The following MON2 variants were observed in gnomAD, a reference collection of about 807,000 sequenced individuals.
MON2 encodes protein MON2 homolog.
Under a neutral mutation model 208.6 loss-of-function variants are expected in MON2, and 84 were observed. The observed-to-expected ratio is 0.40, with a 90% CI of 0.34 to 0.48. The LOEUF (loss-of-function observed/expected upper bound fraction) is 0.48, where lower values mean the gene tolerates loss of function less well. Ranked by LOEUF, MON2 falls within the 20% of genes least tolerant of loss-of-function variation. The pLI, the probability that MON2 is intolerant of heterozygous loss-of-function variation, is 0.59. For synonymous variants in MON2, 660 were observed against 694.0 expected, an observed-to-expected ratio of 0.95 and a Z score of 0.77; for missense variants, 1,611 against 2,015.4, an observed-to-expected ratio of 0.80 and a Z score of 3.84.
intron 1 of MON2, among the ~76,000 whole-genome samples, chr12:62,481,374 A>C (rs1265802941): frequency 6.6e-6 from 1 of 151,960 alleles, no homozygotes; most frequent in Non-Finnish European, 1.5e-5. Context: ...AAAATACAAA[A>C]AATTAGCTGG....
At chr12:62,591,024 T>G (rs910226822) in intron 34 of MON2, among the ~76,000 whole-genome samples, 1 of 152,222 alleles carries the variant, frequency 6.6e-6, no homozygotes, top group Non-Finnish European at 1.5e-5. Flanking sequence ...AACATACTTT[T>G]GTGTTTTACC....
chr12:62,505,564 A>G (rs1046119663), intron 7 of MON2, among the ~76,000 whole-genome samples: 5 of 152,118 alleles, frequency 3.3e-5, no homozygotes, highest in African/African-American at 1.2e-4. Flanking sequence ...AAGATGAAGC[A>G]AGTAATCAGT....
chr12:62,471,866 G>A (rs2068806740), intron 1 of MON2, among the ~76,000 whole-genome samples: 1 of 152,206 alleles, frequency 6.6e-6, no homozygotes, highest in South Asian at 2.1e-4. Flanking sequence ...TTCTGACAGA[G>A]GAAGGACAAA....
At chr12:62,536,569 C>T (rs4283038) in intron 14 of MON2, among the ~76,000 whole-genome samples, 110 of 151,876 alleles carry the variant, frequency 7.2e-4, no homozygotes, top group Middle Eastern at 3.4e-3. Context: ...AGAATGTGTT[C>T]GAGTTCTGTA....
At chr12:62,491,923 C>T (rs186674644) in intron 2 of MON2, among the ~76,000 whole-genome samples, 1 of 152,140 alleles carries the variant, frequency 6.6e-6, no homozygotes, top group Non-Finnish European at 1.5e-5. Flanking sequence ...TTTATTGAAG[C>T]TTTATGAGGA....
intron 19 of MON2, 134 bp downstream of exon 19, chr12:62,538,639 C>T: frequency 1.6e-6 from 1 of 640,474 alleles, no homozygotes; most frequent in Non-Finnish European, 2.7e-6. Flanking sequence ...TGGGTTTTTA[C>T]CACTTATCGT....
At position 62,535,177 on chromosome 12, in the gene MON2, T is replaced by C. The variant is rs572478213; in HGVS notation, c.1715+251T>C. Among the ~76,000 whole-genome samples, 5 of 152,350 alleles carry C rather than the reference T, an allele frequency of 3.3e-5. No individual in the cohort carries two copies. The South Asian group carries it at 1.0e-3, about 32-fold the overall frequency. On this transcript the variant is annotated intron_variant, in intron 13 of 34. Coordinates refer to ENST00000393630, the MANE Select transcript of MON2 (RefSeq NM_015026.3). ...AGAATGCCTTTTTCATTTCAAGACT[T>C]ACAACTACTTTTGCAATTATGATTA... is the stretch of plus-strand genomic sequence containing the variant.
intron 8 of MON2, 62 bp downstream of exon 8, chr12:62,508,542 G>A: frequency 6.7e-7 from 1 of 1,492,520 alleles, no homozygotes; most frequent in Non-Finnish European, 9.3e-7. Context: ...TTTGTAAAAA[G>A]TGGTCTGTTG....
intron 12 of MON2, among the ~76,000 whole-genome samples, chr12:62,534,226 T>TAAA (rs34549616): frequency 5.4e-5 from 8 of 147,668 alleles, no homozygotes; most frequent in African/African-American, 2.0e-4. Context: ...CCCTGTCTCT[T>TAAA]AAAAAAAAAA....
chr12:62,466,888 C>G lies in MON2; in HGVS notation c.-320C>G. On this transcript the variant is annotated 5_prime_UTR_variant, in exon 1 of 35. Coordinates refer to ENST00000393630, the MANE Select transcript of MON2 (RefSeq NM_015026.3). ...GGGAGCTGGCGCTGAAGCTTCTTGCCAGGTTGGCTGGTGACACCCGGTGTG... is the reference window on the plus strand; with the variant it reads ...GGGAGCTGGCGCTGAAGCTTCTTGCGAGGTTGGCTGGTGACACCCGGTGTG... 4.3e-6 allele frequency: 2 copies of G among 465,602 alleles called. No homozygotes were observed. Among genetic ancestry groups the G allele is most frequent in the Admixed American group, 4.0e-5 (1 of 24,868 alleles). The allele number at this position is 465,602 out of a possible 1,614,324, so 28.8% of individuals were successfully genotyped here. A position where few individuals can be genotyped will look rare whatever the true frequency, so the allele number is the denominator to read the frequency against.
chr12:62,547,723 CTG>C (rs1365532583), intron 22 of MON2, among the ~76,000 whole-genome samples: 2 of 152,126 alleles, frequency 1.3e-5, no homozygotes, highest in Non-Finnish European at 2.9e-5. Flanking sequence ...TTTTAATACT[CTG>C]TTTTTACTGT....
At chr12:62,586,212 G>GT (rs1297892488) in intron 33 of MON2, among the ~76,000 whole-genome samples, 1 of 152,202 alleles carries the variant, frequency 6.6e-6, no homozygotes. Context: ...GGAAAACAAA[G>GT]TTATCAAAGT....
Position 62,585,294 on chromosome 12 carries a change from A to G in MON2, c.4700A>G (p.Glu1567Gly). The G allele has an allele frequency of 6.2e-7, 1 of 1,609,820 alleles. No homozygotes were observed. The highest frequency in any genetic ancestry group is 8.5e-7 in the Non-Finnish European group (1 of 1,176,932). ...CCATCAAAATTTGTTAATTTTACAG[A>G]AGCAGAGATTGATATTCGTTTGAGA... Reference protein sequence around the residue: ...SIHSQSSSFTEAEIDIRLREE... With the variant: ...SIHSQSSSFTGAEIDIRLREE... The change falls in exon 33 of 35, where the codon GAA becomes GGA. Residue 1567 changes from glutamate (E) to glycine (G), a missense_variant and splice_region_variant. Physicochemically the swap from Glu to Gly is moderately conservative, Grantham distance 98. Transcript: ENST00000393630.
At chr12:62,470,770 G>C in intron 1 of MON2, 2 of 1,087,030 alleles carry the variant, frequency 1.8e-6, no homozygotes, top group Non-Finnish European at 2.3e-6. Context: ...AGAGGAAATA[G>C]CACACGTTGT....
Position 62,495,084 on chromosome 12 carries a change from A to T in MON2, c.372A>T (p.Leu124=). ...LMENSLEELK[L]LQTVLVLLTT... ...AGAATAGTCTTGAAGAACTTAAGCT[A>T]CTTCAAACAGTTCTTGTTCTTTTAA... Residue 124 remains leucine, a synonymous_variant, in exon 4 of 35, where the codon CTA becomes CTT. Transcript: ENST00000393630. The T allele has an allele frequency of 6.2e-7, 1 of 1,610,604 alleles. No individual in the cohort carries two copies. Among genetic ancestry groups the T allele is most frequent in the Non-Finnish European group, 8.5e-7 (1 of 1,177,076 alleles).
At chr12:62,500,945 G>T in intron 6 of MON2, 65 bp downstream of exon 6, 14 of 932,108 alleles carry the variant, frequency 1.5e-5, no homozygotes, top group South Asian at 7.7e-5. Context: ...TTTTAGTTGG[G>T]GATTTTATGT....
intron 1 of MON2, among the ~76,000 whole-genome samples, chr12:62,482,158 G>A (rs571902057): frequency 3.9e-5 from 6 of 152,294 alleles, no homozygotes; most frequent in African/African-American, 1.4e-4. Context: ...TTGCTGGTGG[G>A]TACATCTCTG....
At position 62,595,841 on chromosome 12, in the gene MON2, C is replaced by T. The variant is rs914074928; in HGVS notation, c.*3092C>T. On this transcript the variant is annotated 3_prime_UTR_variant, in exon 35 of 35. Coordinates refer to ENST00000393630, the MANE Select transcript of MON2 (RefSeq NM_015026.3). ...TTGCTTTCATTTTTAATTTTATTCACTTAACAGCTAACATCTTTCTTGTTT... is the reference window on the plus strand; with the variant it reads ...TTGCTTTCATTTTTAATTTTATTCATTTAACAGCTAACATCTTTCTTGTTT... 1 of 152,190 alleles carries T rather than the reference C, an allele frequency of 6.6e-6. No homozygotes were observed. The highest frequency in any genetic ancestry group is 2.4e-5 in the African/African-American group (1 of 41,448). 9.4% of individuals were successfully genotyped at this position (152,190 alleles called of 1,614,324 possible).
intron 20 of MON2, 186 bp from the exon 21 acceptor site, chr12:62,544,712 T>C (rs1369381151): frequency 6.9e-7 from 1 of 1,450,646 alleles, no homozygotes; most frequent in Non-Finnish European, 9.3e-7. Flanking sequence ...TGAATTGTTT[T>C]AGTTTCATCT....
Sources: gnomAD v4.1 joint callset for allele counts (sites outside exome capture counted in the v4.1 genomes callset) on GRCh38, gnomAD v4.1.1 for gene constraint, MANE v1.5 for transcripts, NCBI Gene and HGNC (gene_info 2026-07-23, HGNC 2026-07-21) for gene names.